Variants in MEMO1 observed in about 807,000 individuals in gnomAD.
MEMO1 encodes the protein protein MEMO1.
In MEMO1, 6 loss-of-function variants were observed where a neutral mutation model predicts 45.2. That is an observed-to-expected ratio of 0.13 (90% confidence interval 0.07 to 0.26). The LOEUF is 0.26. Ranked by LOEUF, MEMO1 falls within the 10% of genes least tolerant of loss-of-function variation. MEMO1 has a pLI of 1.00. For synonymous variants in MEMO1, 78 were observed against 124.3 expected, an observed-to-expected ratio of 0.63 and a Z score of 2.48; for missense variants, 184 against 370.5, an observed-to-expected ratio of 0.50 and a Z score of 4.13.
At chr2:31,897,770 T>C (rs1678097437) in intron 6 of MEMO1, among the ~76,000 whole-genome samples, 1 of 152,210 alleles carries the variant, frequency 6.6e-6, no homozygotes, top group African/African-American at 2.4e-5. Context: ...TTCCATTATT[T>C]GGAAAAGTTT....
At chr2:31,938,797 T>C (rs1450917554) in intron 3 of MEMO1, among the ~76,000 whole-genome samples, 1 of 150,994 alleles carries the variant, frequency 6.6e-6, no homozygotes, top group African/African-American at 2.4e-5. Context: ...TTTTTTTTTT[T>C]TTTTTTGAGA....
At chr2:31,947,815 GCA>G (rs374569808) in intron 2 of MEMO1, among the ~76,000 whole-genome samples, 1 of 151,324 alleles carries the variant, frequency 6.6e-6, no homozygotes, top group Non-Finnish European at 1.5e-5. Context: ...CACTAAATAC[GCA>G]CACACACACA....
At chr2:31,934,821 T>C (rs1011911501) in intron 3 of MEMO1, among the ~76,000 whole-genome samples, 4 of 152,160 alleles carry the variant, frequency 2.6e-5, no homozygotes, top group Non-Finnish European at 4.4e-5. Flanking sequence ...AGGGTGTTAA[T>C]AGAAGCTCTC....
rs915929815 is a variant in MEMO1 at position 31,983,083 on chromosome 2, GA to G, written c.61+27103del. 8.6e-3 allele frequency among the ~76,000 whole-genome samples: 1,186 copies of G among 138,172 alleles called. 12 individuals carry two copies. The highest frequency in any genetic ancestry group is 0.02 in the Admixed American group (269 of 13,740). 90.6% of individuals were successfully genotyped at this position (138,172 alleles called of 152,430 possible). On this transcript the variant is annotated intron_variant, in intron 2 of 9. Transcript: ENST00000404530. ...GTGAAACCCCATCTCTACTAAAAAA[GA>G]AAAAAAAAAAATACAAACCCACAAA...
chr2:31,990,314 T>A (rs1031809964), intron 2 of MEMO1, among the ~76,000 whole-genome samples: 11 of 152,224 alleles, frequency 7.2e-5, no homozygotes, highest in Admixed American at 6.5e-5. Context: ...CTCATACTCT[T>A]CTTGTTCCGA....
chr2:31,995,038 A>C (rs2148565278), intron 2 of MEMO1, among the ~76,000 whole-genome samples: 1 of 152,172 alleles, frequency 6.6e-6, no homozygotes, highest in African/African-American at 2.4e-5. Context: ...GGCAAACATG[A>C]CCAATAAACA....
At chr2:31,911,892 T>C (rs907912036) in intron 6 of MEMO1, among the ~76,000 whole-genome samples, 19 of 152,006 alleles carry the variant, frequency 1.2e-4, no homozygotes, top group Non-Finnish European at 4.4e-5. Flanking sequence ...CCTCCTGCCT[T>C]AGCCTCCCAA....
chr2:31,918,434 A>C (rs1055958276), intron 5 of MEMO1, among the ~76,000 whole-genome samples: 3 of 152,180 alleles, frequency 2.0e-5, no homozygotes, highest in Non-Finnish European at 4.4e-5. Context: ...ACATAATTAG[A>C]ATTCCTACTG....
At chr2:31,945,832 T>C (rs1369184551) in intron 2 of MEMO1, among the ~76,000 whole-genome samples, 3 of 152,146 alleles carry the variant, frequency 2.0e-5, no homozygotes, top group African/African-American at 7.2e-5. Flanking sequence ...ACACACAAGG[T>C]TGCTCCAATT....
chr2:31,892,177 TAAATG>T (rs1558481297), intron 6 of MEMO1, 43 bp from the exon 7 acceptor site: 1 of 1,526,658 alleles, frequency 6.6e-7, no homozygotes, highest in Non-Finnish European at 8.9e-7. Flanking sequence ...TTAAGATGCT[TAAATG>T]AAAGTTTTCC....
chr2:31,918,125 GC>G (rs564551543), intron 5 of MEMO1, 88 bp from the exon 6 acceptor site: 228 of 737,792 alleles, frequency 3.1e-4, no homozygotes, highest in Non-Finnish European at 4.1e-4. Flanking sequence ...AAAACTACAT[GC>G]TTTTTGGCAA....
chr2:31,944,023 A>T (rs1404425218), intron 2 of MEMO1, among the ~76,000 whole-genome samples: 1 of 151,958 alleles, frequency 6.6e-6, no homozygotes, highest in Admixed American at 6.6e-5. Flanking sequence ...CTAGTCTGAG[A>T]CTCAAAAATC....
intron 2 of MEMO1, among the ~76,000 whole-genome samples, chr2:31,999,545 C>T (rs1673015249): frequency 1.3e-5 from 2 of 152,164 alleles, no homozygotes; most frequent in South Asian, 4.1e-4. Context: ...TGGTGCCTGC[C>T]TGTAGTCCCA....
chr2:31,945,894 T>G (rs1029629579), intron 2 of MEMO1, among the ~76,000 whole-genome samples: 2 of 152,232 alleles, frequency 1.3e-5, no homozygotes, highest in African/African-American at 2.4e-5. Context: ...TATCAAGTCC[T>G]CTTACTTGAA....
intron 2 of MEMO1, among the ~76,000 whole-genome samples, chr2:31,992,957 CAA>C (rs2148554980): frequency 6.6e-6 from 1 of 151,772 alleles, no homozygotes; most frequent in South Asian, 2.1e-4. Context: ...ATCAGAAAAT[CAA>C]AAGTCAAATG....
intron 2 of MEMO1, among the ~76,000 whole-genome samples, chr2:32,005,049 CA>C (rs1673885513): frequency 6.6e-6 from 1 of 151,822 alleles, no homozygotes; most frequent in South Asian, 2.1e-4. Context: ...TTCACAGCAG[CA>C]AAACTAAAAA....
intron 4 of MEMO1, among the ~76,000 whole-genome samples, chr2:31,925,178 T>A (rs1002574199): frequency 6.6e-6 from 1 of 152,094 alleles, no homozygotes; most frequent in Non-Finnish European, 1.5e-5. Context: ...CTACCCTGGC[T>A]TAAAAAATGT....
intron 3 of MEMO1, 54 bp downstream of exon 3, chr2:31,943,248 C>A: frequency 1.5e-6 from 2 of 1,345,160 alleles, no homozygotes; most frequent in Admixed American, 3.4e-5. Flanking sequence ...CTGGGCGACA[C>A]AGGGAGACTC....
chr2:31,879,392 C>G (rs549644607), intron 8 of MEMO1, among the ~76,000 whole-genome samples: 8 of 152,294 alleles, frequency 5.3e-5, no homozygotes, highest in South Asian at 2.1e-4. Context: ...TCTAACTCCC[C>G]CTTTGTTCCT....
Sources: allele counts gnomAD v4.1 joint callset (sites outside exome capture counted in the v4.1 genomes callset), GRCh38; gene constraint gnomAD v4.1.1; transcripts MANE v1.5; gene names NCBI Gene and HGNC (gene_info 2026-07-23, HGNC 2026-07-21).